PDE9A: variants seen among roughly 807,000 people sequenced by gnomAD.
PDE9A encodes the protein high affinity cGMP-specific 3',5'-cyclic phosphodiesterase 9A.
In PDE9A, 60 loss-of-function variants were observed where a neutral mutation model predicts 87.4. The ratio of observed to expected loss-of-function variants is 0.69; its 90% CI spans 0.56 to 0.85. The LOEUF is 0.85. PDE9A is among the 40% of genes least tolerant of loss of function. The probability of loss-of-function intolerance (pLI) is 0.00; values close to 1 mark genes in which losing one functional copy is unlikely to be tolerated. For missense variants in PDE9A, 665 were observed against 779.0 expected, an observed-to-expected ratio of 0.85 and a Z score of 1.74; for synonymous variants, 272 against 279.4, an observed-to-expected ratio of 0.97 and a Z score of 0.27.
chr21:42,711,638 T>C (rs1418234481), intron 4 of PDE9A, among the ~76,000 whole-genome samples: 3 of 152,166 alleles, frequency 2.0e-5, no homozygotes, highest in Non-Finnish European at 4.4e-5. Context: ...TTTAGAGTTA[T>C]AGCTGTTATG....
intron 1 of PDE9A, among the ~76,000 whole-genome samples, chr21:42,664,788 G>A (rs551374055): frequency 7.2e-5 from 11 of 152,300 alleles, no homozygotes; most frequent in Admixed American, 2.6e-4. Flanking sequence ...GGGTACACAC[G>A]GCCGGGTCGG....
intron 1 of PDE9A, among the ~76,000 whole-genome samples, chr21:42,680,808 G>A (rs1272599215): frequency 2.6e-5 from 4 of 152,166 alleles, no homozygotes; most frequent in South Asian, 4.1e-4. Flanking sequence ...TCAAGGCAGC[G>A]CCCTCCCCAA....
intron 1 of PDE9A, among the ~76,000 whole-genome samples, chr21:42,663,182 T>A (rs1490024178): frequency 7.8e-6 from 1 of 128,822 alleles, no homozygotes; most frequent in Non-Finnish European, 1.6e-5. Context: ...ATCACACACA[T>A]CCACATGCAC....
chr21:42,694,785 CTCCCAGCAT>C lies in PDE9A; in HGVS notation c.219-4182_219-4174del, dbSNP rs1186324937. ...CTCCAAACACACTTTCATCCCATCACTCCCAGCATGGAGTTCTCCAGTGGCCTGTTGGCT... is the reference window on the plus strand; with the variant it reads ...CTCCAAACACACTTTCATCCCATCACGGAGTTCTCCAGTGGCCTGTTGGCT... On this transcript the variant is annotated intron_variant, in intron 3 of 19. Transcript: ENST00000291539. This position sits in a 1 kb window ranked among gnomAD's most constrained non-coding sequence, Gnocchi z 5.3. 6.6e-6 allele frequency among the ~76,000 whole-genome samples: 1 copy of C among 152,182 alleles called. No individual in the cohort carries two copies. The highest frequency in any genetic ancestry group is 1.5e-5 in the Non-Finnish European group (1 of 68,040).
intron 4 of PDE9A, among the ~76,000 whole-genome samples, chr21:42,717,031 C>T (rs937139155): frequency 3.3e-5 from 5 of 151,368 alleles, no homozygotes; most frequent in Non-Finnish European, 5.9e-5. Flanking sequence ...GGATTATAGG[C>T]GTGATTATAG....
At chr21:42,728,033 CATATCCAT>C (rs1393588033) in intron 4 of PDE9A, among the ~76,000 whole-genome samples, 2 of 152,124 alleles carry the variant, frequency 1.3e-5, no homozygotes, top group Non-Finnish European at 2.9e-5. Context: ...CTGTGTGTTC[CATATCCAT>C]ATATCCAACC....
intron 1 of PDE9A, among the ~76,000 whole-genome samples, chr21:42,677,647 T>C (rs546582721): frequency 4.9e-4 from 56 of 114,998 alleles, no homozygotes; most frequent in African/African-American, 3.7e-3. Context: ...CCAGTTATCT[T>C]TTTTTTTTTT....
At chr21:42,773,906 C>T (rs1022214970) in intron 19 of PDE9A, among the ~76,000 whole-genome samples, 4 of 151,370 alleles carry the variant, frequency 2.6e-5, no homozygotes, top group Non-Finnish European at 4.4e-5. Context: ...AGATCGAGAC[C>T]ATCCTGGCTA....
At chr21:42,747,803 G>C (rs1381407031) in intron 8 of PDE9A, among the ~76,000 whole-genome samples, 1 of 152,252 alleles carries the variant, frequency 6.6e-6, no homozygotes, top group Admixed American at 6.5e-5. Context: ...GGTGGCAACT[G>C]AGGGCTCAGC....
intron 15 of PDE9A, among the ~76,000 whole-genome samples, chr21:42,766,551 TAG>T (rs1278503775): frequency 4.6e-5 from 7 of 152,188 alleles, no homozygotes; most frequent in African/African-American, 1.7e-4. Flanking sequence ...TCCCAGTAGG[TAG>T]AGTCATTAGG....
At chr21:42,677,735 C>G (rs367797210) in intron 1 of PDE9A, among the ~76,000 whole-genome samples, 2 of 152,120 alleles carry the variant, frequency 1.3e-5, no homozygotes, top group African/African-American at 2.4e-5. Context: ...CTCCACATCC[C>G]GGGTTCAAGT....
In PDE9A at chr21:42,660,352, TGCAGGGACGGCTC is replaced by T. The variant is rs1196026201; in HGVS notation, c.69+6474_69+6486del. ...AGCTTCCAGGAGCAGGTGCGGGGCCTGCAGGGACGGCTCGCAGAGAAGGCAGTTTGCGAGTCAG... is the reference window on the plus strand; with the variant it reads ...AGCTTCCAGGAGCAGGTGCGGGGCCTGCAGAGAAGGCAGTTTGCGAGTCAG... On this transcript the variant is annotated intron_variant, in intron 1 of 19. Transcript: ENST00000291539. The surrounding 1 kb of genome is among the most constrained non-coding windows in gnomAD (Gnocchi z 4.7). 6.6e-6 allele frequency among the ~76,000 whole-genome samples: 1 copy of T among 152,158 alleles called. No homozygotes were observed. Among genetic ancestry groups the T allele is most frequent in the African/African-American group, 2.4e-5 (1 of 41,450 alleles).
rs1384846684 is a variant in PDE9A, at chr21:42,759,950, T to C, written c.898-378T>C. The stretch of plus-strand genomic sequence containing the variant: ...CTCAGAACCAAATATTAAAAGCCTA[T>C]TAAAGGTTTCATGGTGACTGGGGAC... On this transcript the variant is annotated intron_variant, in intron 11 of 19. Transcript: ENST00000291539. The surrounding 1 kb of genome is among the most constrained non-coding windows in gnomAD (Gnocchi z 7.2). Among the ~76,000 whole-genome samples the C allele has an allele frequency of 6.6e-6, 1 of 151,992 alleles. No individual in the cohort carries two copies. The highest frequency in any genetic ancestry group is 1.5e-5 in the Non-Finnish European group (1 of 67,968).
At chr21:42,711,929 C>T (rs981190055) in intron 4 of PDE9A, among the ~76,000 whole-genome samples, 1 of 152,176 alleles carries the variant, frequency 6.6e-6, no homozygotes, top group Non-Finnish European at 1.5e-5. Flanking sequence ...TCTATCCTCA[C>T]ACCAACACCA....
chr21:42,654,534 C>T (rs1482455303), intron 1 of PDE9A, among the ~76,000 whole-genome samples: 1 of 152,148 alleles, frequency 6.6e-6, no homozygotes, highest in African/African-American at 2.4e-5. Flanking sequence ...GGACAATGAG[C>T]GCGCCGGCTT....
In PDE9A at chr21:42,696,586, ACT is replaced by A. The variant is rs990524220; in HGVS notation, c.219-2381_219-2380del. Among the ~76,000 whole-genome samples the A allele has an allele frequency of 6.6e-6, 1 of 152,010 alleles. No individual in the cohort carries two copies. The highest frequency in any genetic ancestry group is 2.4e-5 in the African/African-American group (1 of 41,392). On this transcript the variant is annotated intron_variant, in intron 3 of 19. Transcript: ENST00000291539. The surrounding 1 kb of genome is among the most constrained non-coding windows in gnomAD (Gnocchi z 5.1). ...CTCTCATGGTGGGAGCCGGAGAGAC[ACT>A]GAGAAGAGGAAGGAAGGAGGATCCA...
chr21:42,758,562 A>C (rs1227935720), intron 10 of PDE9A: 1 of 160,432 alleles, frequency 6.2e-6, no homozygotes, highest in East Asian at 1.8e-4. Context: ...TCAGGTGTGC[A>C]CTGGATGGAA....
At chr21:42,750,725 G>A (rs62213397) in intron 8 of PDE9A, among the ~76,000 whole-genome samples, 4,832 of 152,128 alleles carry the variant, frequency 0.032, 116 homozygotes, top group South Asian at 0.063. Flanking sequence ...ACAGGCACAC[G>A]CCACCACGCC....
At chr21:42,735,126 C>T (rs946252585) in intron 7 of PDE9A, among the ~76,000 whole-genome samples, 2 of 152,218 alleles carry the variant, frequency 1.3e-5, no homozygotes, top group South Asian at 4.1e-4. Context: ...AGAGGTTGTG[C>T]AGCAGCAACA....
Sources: gnomAD v4.1 joint callset for allele counts (sites outside exome capture counted in the v4.1 genomes callset) on GRCh38, gnomAD v4.1.1 for gene constraint, Gnocchi (gnomAD v3.1) non-coding constraint, MANE v1.5 for transcripts, NCBI Gene and HGNC (gene_info 2026-07-23, HGNC 2026-07-21) for gene names.